Variants in TRPC3 observed in about 807,000 individuals in gnomAD.
TRPC3 encodes short transient receptor potential channel 3.
In TRPC3, 54 loss-of-function variants were observed where a neutral mutation model predicts 90.9. The ratio of observed to expected loss-of-function variants is 0.59; its 90% CI spans 0.48 to 0.75. TRPC3 has a LOEUF of 0.75. TRPC3 is among the 30% of genes least tolerant of loss of function. The pLI, the probability that TRPC3 is intolerant of heterozygous loss-of-function variation, is 0.00. For synonymous variants in TRPC3, 424 were observed against 450.9 expected (o/e 0.94, Z 0.75); for missense variants, 918 against 1,194.5 (o/e 0.77, Z 3.41).
In TRPC3 at chr4:121,932,586, G is replaced by C. The variant is rs1729980676; in HGVS notation, c.672C>G (p.Asp224Glu). ...CCGGCGAGAAGCGCGTGCCGTCCTC[G>C]TCGTAAGCGTAGAAGTCGTCGTCCT... ...ELQDDDFYAY[D>E]EDGTRFSPDI... Residue 224 changes from aspartate to glutamate, a missense_variant, in exon 2 of 12, where the codon GAC (aspartate) becomes GAG (glutamate). Asp to Glu is a conservative substitution (Grantham distance 45). Coordinates refer to ENST00000379645, the MANE Select transcript of TRPC3 (RefSeq NM_001130698.2). The surrounding 1 kb of genome is among the most constrained non-coding windows in gnomAD (Gnocchi z 7.7). The C allele has an allele frequency of 6.8e-6, 11 of 1,614,218 alleles. No individual in the cohort carries two copies. The highest frequency in any genetic ancestry group is 9.3e-6 in the Non-Finnish European group (11 of 1,180,048).
intron 3 of TRPC3, among the ~76,000 whole-genome samples, chr4:121,919,650 C>T (rs1729434988): frequency 6.6e-6 from 1 of 152,136 alleles, no homozygotes; most frequent in Non-Finnish European, 1.5e-5. Flanking sequence ...TCTGGGCTTC[C>T]CCTGCACACT....
chr4:121,931,656 T>C (rs1729934336), intron 2 of TRPC3, among the ~76,000 whole-genome samples: 1 of 152,226 alleles, frequency 6.6e-6, no homozygotes, highest in South Asian at 2.1e-4. Flanking sequence ...ATTTGTGGAA[T>C]TCAGGGAGAG....
rs762106319 is a variant in TRPC3 at position 121,932,901 on chromosome 4, G to C, written c.357C>G (p.Ala119=). Residue 119 remains alanine, a synonymous_variant, in exon 2 of 12, where the codon GCC becomes GCG. Transcript: ENST00000379645. This position sits in a 1 kb window ranked among gnomAD's most constrained non-coding sequence, Gnocchi z 7.7. ...LTAEEERFLD[A]AEYGNIPVVR... is the part of the protein sequence containing the mutation. The stretch of plus-strand genomic sequence containing the variant: ...CCACTGGGATGTTGCCGTACTCGGC[G>C]GCGTCGAGGAAGCGCTCCTCCTCGG... 6.2e-7 allele frequency: 1 copy of C among 1,614,092 alleles called. No individual in the cohort carries two copies. Among genetic ancestry groups the C allele is most frequent in the South Asian group, 1.1e-5 (1 of 91,058 alleles).
chr4:121,894,740 C>T (rs1482332821), intron 10 of TRPC3, among the ~76,000 whole-genome samples: 1 of 151,432 alleles, frequency 6.6e-6, no homozygotes, highest in African/African-American at 2.4e-5. Context: ...ATTTTTTTCA[C>T]TTTTGCAGAG....
At chr4:121,940,032 G>T (rs1022502131) in intron 1 of TRPC3, among the ~76,000 whole-genome samples, 6 of 152,132 alleles carry the variant, frequency 3.9e-5, no homozygotes, top group Non-Finnish European at 8.8e-5. Flanking sequence ...AGATAAAAGA[G>T]GTCAGCCTCC....
chr4:121,913,733 C>T (rs1039273471), intron 4 of TRPC3, among the ~76,000 whole-genome samples: 8 of 152,146 alleles, frequency 5.3e-5, no homozygotes, highest in Middle Eastern at 3.4e-3. Context: ...AGTAATTTTC[C>T]ATGATACATA....
At chr4:121,937,267 A>G (rs1730162998) in intron 1 of TRPC3, among the ~76,000 whole-genome samples, 1 of 152,174 alleles carries the variant, frequency 6.6e-6, no homozygotes, top group Non-Finnish European at 1.5e-5. Flanking sequence ...GTTCTTTACA[A>G]TTACTGGGAA....
intron 9 of TRPC3, among the ~76,000 whole-genome samples, chr4:121,901,104 G>T (rs1380833037): frequency 2.0e-5 from 3 of 152,222 alleles, no homozygotes; most frequent in African/African-American, 7.2e-5. Context: ...AATGAAGTCA[G>T]TGAGACCTGT....
At chr4:121,899,775 A>G (rs1728641921) in intron 9 of TRPC3, 80 bp from the exon 10 acceptor site, 1 of 1,130,344 alleles carries the variant, frequency 8.8e-7, no homozygotes, top group Non-Finnish European at 1.3e-6. Flanking sequence ...ATTCTCCTTG[A>G]TAACATTTCT....
intron 10 of TRPC3, among the ~76,000 whole-genome samples, chr4:121,898,607 T>C (rs1261110612): frequency 6.6e-6 from 1 of 152,160 alleles, no homozygotes; most frequent in Admixed American, 6.5e-5. Context: ...TATACCACTA[T>C]AGCATGACCA....
At chr4:121,916,718 AT>A (rs34897041) in intron 3 of TRPC3, among the ~76,000 whole-genome samples, 82 of 148,610 alleles carry the variant, frequency 5.5e-4, no homozygotes, top group African/African-American at 1.4e-3. Context: ...GTAAGAAATA[AT>A]TTTTTTTTTT....
At chr4:121,916,782 C>T (rs7674260) in intron 3 of TRPC3, among the ~76,000 whole-genome samples, 5,354 of 151,898 alleles carry the variant, frequency 0.035, 316 homozygotes, top group African/African-American at 0.12. Context: ...GGCACAATCT[C>T]GTCTCACCAC....
chr4:121,930,893 A>C (rs1262398301), intron 2 of TRPC3: 2 of 360,314 alleles, frequency 5.6e-6, no homozygotes, highest in East Asian at 1.8e-4. Context: ...CAAATACCAC[A>C]TAATGAATCT....
chr4:121,902,657 A>C (rs1728742080), intron 9 of TRPC3, among the ~76,000 whole-genome samples, 195 bp downstream of exon 9: 1 of 152,202 alleles, frequency 6.6e-6, no homozygotes, highest in African/African-American at 2.4e-5. Context: ...TCTGATCAAA[A>C]GCAGGGCCTC....
intron 9 of TRPC3, among the ~76,000 whole-genome samples, chr4:121,899,984 A>G (rs1728648058): frequency 6.6e-6 from 1 of 152,076 alleles, no homozygotes; most frequent in African/African-American, 2.4e-5. Flanking sequence ...TTCCCTGGGG[A>G]CCTTGTATAC....
In TRPC3 at chr4:121,879,814, G is replaced by C; in HGVS notation, c.2688C>G (p.Ser896Arg). Residue 896 changes from serine to arginine, a missense_variant, in exon 12 of 12, where the codon AGC becomes AGG. Physicochemically the swap from Ser to Arg is moderately radical, Grantham distance 110 (BLOSUM62 -1). Around this residue, in one of 4 missense-constraint regions of TRPC3, gnomAD observed 41 missense variants for 69.4 expected, o/e 0.59. Transcript: ENST00000379645. ...GAATGGCTAATTCCTCAGTTGCTTG[G>C]CTCTTGTCTTCCAAAAGTTCATAAC... ...SLRYELLEDK[S>R]QATEELAILI... The C allele has an allele frequency of 3.7e-6, 6 of 1,607,738 alleles. No individual in the cohort carries two copies. The highest frequency in any genetic ancestry group is 5.1e-6 in the Non-Finnish European group (6 of 1,177,940).
At chr4:121,908,096 T>C (rs1047799862) in intron 6 of TRPC3, among the ~76,000 whole-genome samples, 2 of 152,132 alleles carry the variant, frequency 1.3e-5, no homozygotes, top group Non-Finnish European at 2.9e-5. Flanking sequence ...CAATATAACT[T>C]GTCCCCGAAA....
intron 6 of TRPC3, among the ~76,000 whole-genome samples, chr4:121,909,663 T>C (rs761321996): frequency 1.3e-4 from 20 of 152,154 alleles, no homozygotes; most frequent in Non-Finnish European, 2.5e-4. Context: ...CTGCTGGTTC[T>C]CCAGAGCTTA....
At chr4:121,949,488 A>G (rs1730609088) in intron 1 of TRPC3, among the ~76,000 whole-genome samples, 1 of 152,106 alleles carries the variant, frequency 6.6e-6, no homozygotes, top group Admixed American at 6.5e-5. Flanking sequence ...AGTCCATCCT[A>G]GGGCTGTCGT....
Sources: gnomAD v4.1 joint callset for allele counts (sites outside exome capture counted in the v4.1 genomes callset) on GRCh38, gnomAD v4.1.1 for gene constraint, gnomAD v4.1.1 regional missense constraint, Gnocchi (gnomAD v3.1) non-coding constraint, MANE v1.5 for transcripts, NCBI Gene and HGNC (gene_info 2026-07-23, HGNC 2026-07-21) for gene names.